HYDIN: variants seen among roughly 807,000 people sequenced by gnomAD.
HYDIN encodes HYDIN axonemal central pair apparatus protein, also known as axonemal central pair apparatus protein HYDIN.
HYDIN carries 132 observed loss-of-function variants against 403.9 expected under a neutral mutation model. The observed-to-expected ratio is 0.33, with a 90% CI of 0.28 to 0.38. The LOEUF is 0.38. HYDIN is among the 10% of genes least tolerant of loss of function. The probability of loss-of-function intolerance (pLI) is 1.00; values close to 1 mark genes in which losing one functional copy is unlikely to be tolerated. For missense variants in HYDIN, 2,827 were observed against 5,009.5 expected (o/e 0.56, Z 13.15); for synonymous variants, 1,202 against 1,891.7 (o/e 0.64, Z 9.46).
chr16:70,812,417 A>G (rs1439820488), intron 84 of HYDIN, among the ~76,000 whole-genome samples: 2 of 152,184 alleles, frequency 1.3e-5, no homozygotes, highest in African/African-American at 4.8e-5. Flanking sequence ...TGAATCTGGG[A>G]GCTGGAGGTT....
intron 53 of HYDIN, among the ~76,000 whole-genome samples, chr16:70,898,281 C>T (rs2076265032): frequency 1.3e-5 from 2 of 152,166 alleles, no homozygotes; most frequent in Admixed American, 1.3e-4. Context: ...CCTGTGCATC[C>T]CCACCACAGG....
intron 10 of HYDIN, chr16:71,114,072 T>G (rs1187585694): frequency 1.3e-5 from 2 of 151,222 alleles, no homozygotes; most frequent in Non-Finnish European, 2.9e-5. Flanking sequence ...GTTGATTTGC[T>G]GTATTATTAC....
At chr16:71,207,974 GGA>G (rs1371426637) in intron 1 of HYDIN, among the ~76,000 whole-genome samples, 2 of 152,070 alleles carry the variant, frequency 1.3e-5, no homozygotes, top group Non-Finnish European at 2.9e-5. Context: ...AATAATAGTT[GGA>G]GATTTCAATA....
intron 14 of HYDIN, among the ~76,000 whole-genome samples, chr16:71,068,350 G>C (rs2082343457): frequency 6.6e-6 from 1 of 151,608 alleles, no homozygotes; most frequent in South Asian, 2.1e-4. Context: ...AGTCCACACA[G>C]ACCTGGCTGA....
intron 1 of HYDIN, among the ~76,000 whole-genome samples, chr16:71,197,892 C>T (rs955946370): frequency 6.6e-6 from 1 of 152,188 alleles, no homozygotes; most frequent in African/African-American, 2.4e-5. Context: ...GGATTACAGG[C>T]ATCTGCCACC....
chr16:70,866,390 T>C (rs1008059404), intron 66 of HYDIN, 61 bp from the exon 67 acceptor site: 1 of 868,892 alleles, frequency 1.2e-6, no homozygotes, highest in African/African-American at 1.7e-5. Flanking sequence ...AAACTGACAA[T>C]GGAATAGAAT....
chr16:71,151,557 T>C (rs1395027015), intron 7 of HYDIN, among the ~76,000 whole-genome samples: 2 of 152,118 alleles, frequency 1.3e-5, no homozygotes, highest in South Asian at 2.1e-4. Flanking sequence ...ACCAGTTAGG[T>C]TGGATTTCCA....
intron 59 of HYDIN, 54 bp from the exon 60 acceptor site, chr16:70,882,949 C>T: frequency 1.5e-6 from 2 of 1,367,202 alleles, no homozygotes; most frequent in Non-Finnish European, 2.1e-6. Context: ...GATTCCCACT[C>T]TGTGATTCCT....
chr16:70,900,920 G>C (rs2076354863), intron 53 of HYDIN, 84 bp downstream of exon 53: 2 of 376,466 alleles, frequency 5.3e-6, no homozygotes, highest in African/African-American at 5.1e-5. Flanking sequence ...ACCTCTGTGT[G>C]TGTGTGTGTG....
intron 41 of HYDIN, among the ~76,000 whole-genome samples, chr16:70,946,527 G>A (rs536960521): frequency 1.3e-5 from 2 of 152,264 alleles, no homozygotes; most frequent in African/African-American, 4.8e-5. Context: ...AGGTTTGCCA[G>A]GGTTGAAGCT....
chr16:70,907,628 G>C (rs1408092733), intron 49 of HYDIN, 137 bp from the exon 50 acceptor site: 2 of 440,084 alleles, frequency 4.5e-6, no homozygotes, highest in African/African-American at 4.2e-5. Flanking sequence ...ACTCTTCTTT[G>C]TCCCAGCTCC....
At chr16:70,949,372 T>C (rs1463032085) in intron 41 of HYDIN, among the ~76,000 whole-genome samples, 1 of 151,254 alleles carries the variant, frequency 6.6e-6, no homozygotes, top group Non-Finnish European at 1.5e-5. Flanking sequence ...GACGAGTTAG[T>C]GGGTGCAGCA....
At chr16:70,841,346 A>G (rs2037806596) in intron 75 of HYDIN, among the ~76,000 whole-genome samples, 1 of 152,122 alleles carries the variant, frequency 6.6e-6, no homozygotes, top group South Asian at 2.1e-4. Flanking sequence ...GTTTGCTCTA[A>G]GAAATGTAAG....
At chr16:70,949,199 A>T (rs1269387092) in intron 41 of HYDIN, among the ~76,000 whole-genome samples, 1 of 151,460 alleles carries the variant, frequency 6.6e-6, no homozygotes, top group Non-Finnish European at 1.5e-5. Flanking sequence ...TCAGTAAACT[A>T]TCGCAAGAAC....
rs780800451 is a variant in HYDIN, at chr16:70,951,277, A to AGAGG, written c.6531+1140_6531+1143dup. On this transcript the variant is annotated intron_variant, in intron 41 of 85. Transcript: ENST00000393567. ...GAGAGAGAGAGAGAGAGAGAGAGAG[A>AGAGG]GAGGGAGAGAGGGAGAGAGAGAGAG... Among the ~76,000 whole-genome samples the AGAGG allele has an allele frequency of 2.1e-5, 3 of 144,784 alleles. 1 individual carries two copies. The South Asian group carries it at 6.5e-4, about 31-fold the overall frequency. The allele number at this position is 144,784 out of a possible 152,430, so 95.0% of individuals were successfully genotyped here. A position where few individuals can be genotyped will look rare whatever the true frequency, so the allele number is the denominator to read the frequency against.
intron 73 of HYDIN, among the ~76,000 whole-genome samples, chr16:70,851,198 T>A (rs2038617206): frequency 1.7e-5 from 1 of 60,070 alleles, no homozygotes; most frequent in Non-Finnish European, 2.8e-5. Context: ...ACCCAATCAA[T>A]CCTGCAAAAA....
chr16:70,820,187 C>CTT lies in HYDIN; in HGVS notation c.14428-1617_14428-1616dup, dbSNP rs57769826. Among the ~76,000 whole-genome samples, 143 of 91,826 alleles carry CTT rather than the reference C, an allele frequency of 1.6e-3. 1 individual carries two copies. The highest frequency in any genetic ancestry group is 2.1e-3 in the Non-Finnish European group (96 of 45,496). The allele number at this position is 91,826 out of a possible 152,430, so 60.2% of individuals were successfully genotyped here. A position where few individuals can be genotyped will look rare whatever the true frequency, so the allele number is the denominator to read the frequency against. ...TTAAAGTGATTTTTTTTTCTTTTTTCTTTTTTTTTTTTTTTTTTTTTGAGA... is the reference window on the plus strand; with the variant it reads ...TTAAAGTGATTTTTTTTTCTTTTTTCTTTTTTTTTTTTTTTTTTTTTTTGAGA... On this transcript the variant is annotated intron_variant, in intron 83 of 85. Transcript: ENST00000393567.
intron 6 of HYDIN, among the ~76,000 whole-genome samples, chr16:71,161,616 C>G (rs1485115448): frequency 6.6e-6 from 1 of 152,218 alleles, no homozygotes; most frequent in Non-Finnish European, 1.5e-5. Flanking sequence ...GCTCACCACG[C>G]TGAACTCTTC....
intron 41 of HYDIN, among the ~76,000 whole-genome samples, chr16:70,945,915 A>T (rs1262878941): frequency 6.6e-6 from 1 of 152,090 alleles, no homozygotes; most frequent in Non-Finnish European, 1.5e-5. Flanking sequence ...GAGGACGAGG[A>T]GGCAGGCAAT....
Sources: gnomAD v4.1 joint callset for allele counts (sites outside exome capture counted in the v4.1 genomes callset) on GRCh38, gnomAD v4.1.1 for gene constraint, MANE v1.5 for transcripts, NCBI Gene and HGNC (gene_info 2026-07-23, HGNC 2026-07-21) for gene names.